Variants in ALDH2 observed in about 807,000 individuals in gnomAD.
ALDH2 encodes aldehyde dehydrogenase, mitochondrial.
Under a neutral mutation model 59.6 loss-of-function variants are expected in ALDH2, and 44 were observed. The observed-to-expected ratio is 0.74, with a 90% confidence interval of 0.58 to 0.95. The LOEUF (loss-of-function observed/expected upper bound fraction) is 0.95. ALDH2 is among the 40% of genes least tolerant of loss of function. The pLI is 0.00. For synonymous variants in ALDH2, 291 were observed against 284.0 expected (o/e 1.02, Z -0.25); for missense variants, 570 against 696.3 (o/e 0.82, Z 2.04).
rs1230923372 is a variant in ALDH2 at position 111,790,467 on chromosome 12, C to T, written c.586C>T (p.Leu196=). The T allele has an allele frequency of 6.2e-7, 1 of 1,614,056 alleles. No individual in the cohort carries two copies. Among genetic ancestry groups the T allele is most frequent in the Admixed American group, 1.7e-5 (1 of 59,992 alleles). ...CCCGCTCCTGATGCAAGCATGGAAGCTGGGCCCAGCCTTGGCAACTGGAAA... is the reference window on the plus strand; with the variant it reads ...CCCGCTCCTGATGCAAGCATGGAAGTTGGGCCCAGCCTTGGCAACTGGAAA... ...NFPLLMQAWK[L]GPALATGNVV... The change falls in exon 6 of 13, where the codon CTG becomes TTG. Residue 196 remains leucine (L), a synonymous_variant. Transcript: ENST00000261733.
In ALDH2 at chr12:111,774,257, C is replaced by T. The variant is rs575018878; in HGVS notation, c.114+7161C>T. ...CAAGCCTGGGGAGATGACTGCCCCT[C>T]GCCTTGATCCCCAACTAACCTGGGG... On this transcript the variant is annotated intron_variant, in intron 1 of 12. Transcript: ENST00000261733. Among the ~76,000 whole-genome samples, 191 of 152,270 alleles carry T rather than the reference C, an allele frequency of 1.3e-3. 1 individual carries two copies. The highest frequency in any genetic ancestry group is 2.5e-3 in the Non-Finnish European group (171 of 68,018).
chr12:111,802,438 G>T (rs554568102), intron 11 of ALDH2, among the ~76,000 whole-genome samples: 1 of 151,088 alleles, frequency 6.6e-6, no homozygotes, highest in Non-Finnish European at 1.5e-5. Context: ...AAAATTAGCC[G>T]GGCGCAGTGG....
intron 12 of ALDH2, 27 bp downstream of exon 12, chr12:111,804,000 A>G: frequency 6.8e-7 from 1 of 1,470,654 alleles, no homozygotes; most frequent in Admixed American, 1.9e-5. Context: ...CTGGGGGCTC[A>G]GGGCCTGTTG....
In ALDH2 at chr12:111,771,193, C is replaced by T. The variant is rs79073142; in HGVS notation, c.114+4097C>T. On this transcript the variant is annotated intron_variant, in intron 1 of 12. Transcript: ENST00000261733. ...GGAAGATTGCTTAACCCCAGGAGTT[C>T]GAGACCAGCCTGGGCAACATAGCAA... Among the ~76,000 whole-genome samples the T allele has an allele frequency of 0.051, 7,779 of 151,900 alleles. 1,191 individuals are homozygous for T. The East Asian group carries it at 0.62, about 12-fold the overall frequency.
At chr12:111,793,464 A>T (rs1253727469) in intron 9 of ALDH2, among the ~76,000 whole-genome samples, 1 of 150,940 alleles carries the variant, frequency 6.6e-6, no homozygotes, top group East Asian at 1.9e-4. Flanking sequence ...ATTCCTTCGC[A>T]CCTCCCTGTT....
At chr12:111,781,837 G>GT (rs367991848) in intron 1 of ALDH2, 81 bp from the exon 2 acceptor site, 66,811 of 814,952 alleles carry the variant, frequency 0.082, 284 homozygotes, top group African/African-American at 0.13. Flanking sequence ...GCTTTTTCTT[G>GT]TTTTTTTTTT....
intron 5 of ALDH2, 41 bp downstream of exon 5, chr12:111,789,975 G>C: frequency 6.3e-7 from 1 of 1,580,458 alleles, no homozygotes. Flanking sequence ...GGTGCCCTGA[G>C]ATTTGGCAGT....
chr12:111,803,791 C>A, intron 11 of ALDH2, 68 bp from the exon 12 acceptor site: 3 of 1,117,202 alleles, frequency 2.7e-6, no homozygotes, highest in South Asian at 2.1e-5. Context: ...TGGGGCAATA[C>A]AGGGGGTCCT....
chr12:111,788,731 A>C (rs2068331573), intron 4 of ALDH2, among the ~76,000 whole-genome samples: 1 of 152,078 alleles, frequency 6.6e-6, no homozygotes, highest in Non-Finnish European at 1.5e-5. Flanking sequence ...CCAGGTGCTA[A>C]TGGCTCGAGC....
At chr12:111,781,259 CTG>C (rs1566184076) in intron 1 of ALDH2, among the ~76,000 whole-genome samples, 1 of 152,192 alleles carries the variant, frequency 6.6e-6, no homozygotes, top group African/African-American at 2.4e-5. Flanking sequence ...GGACTCTGGA[CTG>C]AGCCTGTGAC....
rs375668624 is a variant in ALDH2 at position 111,809,613 on chromosome 12, A to G, written c.*38A>G. ...CTTCCTCCCTCAGCCATTGATGGAA[A>G]GTTCAGCAAGATCAGCAACAAAACC... On this transcript the variant is annotated 3_prime_UTR_variant, in exon 13 of 13. Transcript: ENST00000261733. 12 of 1,611,372 alleles carry G rather than the reference A, an allele frequency of 7.4e-6. No individual in the cohort carries two copies. The highest frequency in any genetic ancestry group is 3.3e-4 in the Middle Eastern group (2 of 6,080).
chr12:111,772,047 C>T lies in ALDH2; in HGVS notation c.114+4951C>T, dbSNP rs150543601. On this transcript the variant is annotated intron_variant, in intron 1 of 12. Coordinates refer to ENST00000261733, the MANE Select transcript of ALDH2 (RefSeq NM_000690.4). Reference sequence around the variant, plus strand: ...CCGGGAGGCAGAGGTTGCAGTGAGCCGAGATCGCACCACTGTACTCCAGCC... The same window carrying T: ...CCGGGAGGCAGAGGTTGCAGTGAGCTGAGATCGCACCACTGTACTCCAGCC... Among the ~76,000 whole-genome samples the T allele has an allele frequency of 7.0e-3, 1,059 of 151,772 alleles. 7 individuals are homozygous for T. The highest frequency in any genetic ancestry group is 0.016 in the South Asian group (76 of 4,782).
At chr12:111,792,018 C>A in intron 7 of ALDH2, 43 bp from the exon 8 acceptor site, 1 of 1,308,374 alleles carries the variant, frequency 7.6e-7, no homozygotes, top group Non-Finnish European at 1.1e-6. Context: ...GGACTCTTTT[C>A]TCCCGGCACT....
chr12:111,799,822 G>A, intron 10 of ALDH2, 84 bp from the exon 11 acceptor site: 1 of 1,470,434 alleles, frequency 6.8e-7, no homozygotes, highest in Non-Finnish European at 9.2e-7. Context: ...CCCCCAATCT[G>A]GAATCATCTG....
Position 111,789,900 on chromosome 12 carries a change from A to T in ALDH2, c.518A>T (p.His173Leu). The T allele has an allele frequency of 6.2e-7, 1 of 1,614,186 alleles. No individual in the cohort carries two copies. The highest frequency in any genetic ancestry group is 2.2e-5 in the East Asian group (1 of 44,888). Residue 173 changes from histidine to leucine, a missense_variant, in exon 5 of 13, where the codon CAT becomes CTT. Coordinates refer to ENST00000261733, the MANE Select transcript of ALDH2 (RefSeq NM_000690.4). Reference sequence around the variant, plus strand: ...GGAGACTTCTTCAGCTACACACGCCATGAACCTGTGGGGGTGTGCGGGCAG... The same window carrying T: ...GGAGACTTCTTCAGCTACACACGCCTTGAACCTGTGGGGGTGTGCGGGCAG... ...IDGDFFSYTR[H>L]EPVGVCGQII...
chr12:111,800,710 GT>G (rs995194001), intron 11 of ALDH2, among the ~76,000 whole-genome samples: 1 of 152,180 alleles, frequency 6.6e-6, no homozygotes, highest in African/African-American at 2.4e-5. Flanking sequence ...ACCCTCCTAT[GT>G]TGCTGATGGG....
At chr12:111,800,323 C>T (rs1049892261) in intron 11 of ALDH2, among the ~76,000 whole-genome samples, 14 of 152,244 alleles carry the variant, frequency 9.2e-5, no homozygotes, top group Admixed American at 7.2e-4. Context: ...GGCAGGAGAC[C>T]AGAGCAGAGG....
intron 9 of ALDH2, among the ~76,000 whole-genome samples, chr12:111,795,423 C>T (rs914025454): frequency 3.3e-5 from 5 of 151,984 alleles, no homozygotes; most frequent in South Asian, 2.1e-4. Context: ...GGTGGGACTA[C>T]AAGTGCACGC....
chr12:111,789,017 CTTTTTTT>C (rs1224537015), intron 4 of ALDH2, among the ~76,000 whole-genome samples: 3 of 125,164 alleles, frequency 2.4e-5, no homozygotes, highest in African/African-American at 8.8e-5. Context: ...TCTTTCTTTT[CTTTTTTT>C]TTTTTTTTTT....
Sources: allele counts gnomAD v4.1 joint callset (sites outside exome capture counted in the v4.1 genomes callset), GRCh38; gene constraint gnomAD v4.1.1; transcripts MANE v1.5; gene names NCBI Gene and HGNC (gene_info 2026-07-23, HGNC 2026-07-21).